The following IFT81 variants were observed in gnomAD, a reference collection of about 807,000 sequenced individuals.
IFT81 encodes intraflagellar transport protein 81 homolog.
Under a neutral mutation model 102.6 loss-of-function variants are expected in IFT81, and 72 were observed. The observed-to-expected ratio is 0.70, with a 90% CI of 0.58 to 0.85. The LOEUF is 0.85. IFT81 is among the 40% of genes least tolerant of loss of function. The pLI, the probability that IFT81 is intolerant of heterozygous loss-of-function variation, is 0.00. For missense variants in IFT81, 723 were observed against 787.3 expected, an observed-to-expected ratio of 0.92 and a Z score of 0.98; for synonymous variants, 237 against 242.7, an observed-to-expected ratio of 0.98 and a Z score of 0.22.
intron 11 of IFT81, among the ~76,000 whole-genome samples, chr12:110,164,185 A>G (rs1372550056): frequency 6.6e-6 from 1 of 152,204 alleles, no homozygotes; most frequent in Non-Finnish European, 1.5e-5. Context: ...ATTGCAATAT[A>G]CTTTAAATTT....
chr12:110,128,421 C>T (rs1214421018), intron 3 of IFT81, among the ~76,000 whole-genome samples: 1 of 149,856 alleles, frequency 6.7e-6, no homozygotes, highest in Non-Finnish European at 1.5e-5. Flanking sequence ...TTAAACACAA[C>T]TTCCTTGGAT....
chr12:110,161,134 CTT>C (rs550038213), intron 10 of IFT81, among the ~76,000 whole-genome samples: 14 of 132,544 alleles, frequency 1.1e-4, no homozygotes, highest in East Asian at 2.1e-4. Context: ...TTCTTCACCA[CTT>C]TTTTTTTTTT....
At chr12:110,211,516 T>G (rs1869439424) in intron 18 of IFT81, among the ~76,000 whole-genome samples, 1 of 152,142 alleles carries the variant, frequency 6.6e-6, no homozygotes, top group Admixed American at 6.5e-5. Flanking sequence ...AATCTTAGTT[T>G]TGGTACATTA....
intron 11 of IFT81, among the ~76,000 whole-genome samples, chr12:110,164,096 T>G (rs1488457666): frequency 6.6e-6 from 1 of 152,176 alleles, no homozygotes; most frequent in Non-Finnish European, 1.5e-5. Context: ...TAATGTATAC[T>G]TGTCTGGTGG....
chr12:110,180,384 T>G, intron 11 of IFT81, 38 bp from the exon 12 acceptor site: 1 of 1,400,414 alleles, frequency 7.1e-7, no homozygotes, highest in Non-Finnish European at 9.9e-7. Flanking sequence ...GCTACTACTT[T>G]TCTACTCATT....
At chr12:110,206,695 A>G (rs1593373971) in intron 17 of IFT81, among the ~76,000 whole-genome samples, 2 of 151,462 alleles carry the variant, frequency 1.3e-5, no homozygotes, top group East Asian at 3.9e-4. Flanking sequence ...AAAAAAAAAA[A>G]TCTAAGAAAT....
chr12:110,143,269 A>T, intron 8 of IFT81, 113 bp from the exon 9 acceptor site: 1 of 544,746 alleles, frequency 1.8e-6, no homozygotes. Flanking sequence ...TATATATTAT[A>T]CAGTTTGTTT....
intron 18 of IFT81, among the ~76,000 whole-genome samples, chr12:110,215,354 T>G: frequency 6.6e-6 from 1 of 151,888 alleles, no homozygotes; most frequent in East Asian, 1.9e-4. Context: ...TATGTGCACT[T>G]TCACCTTCTC....
intron 11 of IFT81, 122 bp from the exon 12 acceptor site, chr12:110,180,296 TTATA>T (rs1897269730): frequency 3.4e-6 from 1 of 295,864 alleles, no homozygotes; most frequent in African/African-American, 2.2e-5. Context: ...AACGAAATTA[TTATA>T]TACGTGTGAC....
intron 13 of IFT81, among the ~76,000 whole-genome samples, chr12:110,191,688 G>A (rs1355408757): frequency 6.6e-6 from 1 of 151,942 alleles, no homozygotes; most frequent in African/African-American, 2.4e-5. Flanking sequence ...TTCAGGACTT[G>A]TATTCAATCA....
chr12:110,187,550 C>G (rs1012488678), intron 12 of IFT81, among the ~76,000 whole-genome samples: 3 of 152,194 alleles, frequency 2.0e-5, no homozygotes, highest in Non-Finnish European at 4.4e-5. Flanking sequence ...CATGCATAAG[C>G]TACTGTTCCT....
intron 12 of IFT81, among the ~76,000 whole-genome samples, chr12:110,183,804 G>T (rs942592192): frequency 6.6e-6 from 1 of 152,136 alleles, no homozygotes; most frequent in African/African-American, 2.4e-5. Flanking sequence ...GATAATCTGG[G>T]GATTCAAGGT....
At chr12:110,168,463 A>G (rs1896557250) in intron 11 of IFT81, 2 of 965,040 alleles carry the variant, frequency 2.1e-6, no homozygotes, top group Non-Finnish European at 2.5e-6. Context: ...TTGCCAATTC[A>G]ACACATCATC....
chr12:110,168,376 G>A (rs1013577551), intron 11 of IFT81: 2 of 215,646 alleles, frequency 9.3e-6, no homozygotes, highest in Admixed American at 1.3e-4. Context: ...CATCTTGGTA[G>A]ATAGGGGCAC....
Position 110,191,043 on chromosome 12 carries a change from G to A in IFT81, c.1462G>A (p.Glu488Lys). 1 of 1,600,622 alleles carries A rather than the reference G, an allele frequency of 6.2e-7. No individual in the cohort carries two copies. The highest frequency in any genetic ancestry group is 2.3e-5 in the East Asian group (1 of 44,322). Reference protein sequence around the residue: ...MKGRTLDDMSEMVKKLYSLVS... With the variant: ...MKGRTLDDMSKMVKKLYSLVS... ...AGGACGAACATTGGATGATATGTCT[G>A]AAATGGTGATGATACTTTTATTTAA... The change falls in exon 13 of 19, where the codon GAA (glutamate) becomes AAA (lysine). Residue 488 changes from glutamate (E) to lysine (K), a missense_variant. By Grantham distance (56) the Glu-to-Lys change is moderately conservative (BLOSUM62 1). Transcript: ENST00000242591.
chr12:110,208,964 C>A (rs1869049175), intron 17 of IFT81, among the ~76,000 whole-genome samples: 1 of 151,820 alleles, frequency 6.6e-6, no homozygotes, highest in African/African-American at 2.4e-5. Flanking sequence ...GTTTTGCTTT[C>A]TTTTTTTTCC....
intron 3 of IFT81, 97 bp from the exon 4 acceptor site, chr12:110,128,853 T>A: frequency 3.6e-6 from 3 of 825,772 alleles, no homozygotes; most frequent in Non-Finnish European, 5.7e-6. Context: ...CAGAAAGCAA[T>A]TTGGACATTG....
At chr12:110,201,439 G>GTT (rs979527199) in intron 14 of IFT81, among the ~76,000 whole-genome samples, 59 of 145,570 alleles carry the variant, frequency 4.1e-4, no homozygotes, top group African/African-American at 1.5e-3. Context: ...TTTGTTTTTT[G>GTT]TTTTTTTTTG....
chr12:110,172,240 G>A (rs1368161357), intron 11 of IFT81, among the ~76,000 whole-genome samples: 3 of 152,042 alleles, frequency 2.0e-5, no homozygotes, highest in Non-Finnish European at 4.4e-5. Context: ...GACCAGCCTG[G>A]CCAACGTGAT....
Sources: gnomAD v4.1 joint callset for allele counts (sites outside exome capture counted in the v4.1 genomes callset) on GRCh38, gnomAD v4.1.1 for gene constraint, MANE v1.5 for transcripts, NCBI Gene and HGNC (gene_info 2026-07-23, HGNC 2026-07-21) for gene names.